SIK3: variants seen among roughly 807,000 people sequenced by gnomAD.
SIK3 encodes SIK family kinase 3, also known as serine/threonine-protein kinase SIK3.
A neutral mutation model predicts 144.2 loss-of-function variants in SIK3; 28 were observed. That is an observed-to-expected ratio of 0.19 (90% CI 0.14 to 0.27). SIK3 has a LOEUF of 0.27. SIK3 is among the 10% of genes least tolerant of loss of function. The pLI is 1.00. For missense variants in SIK3, 1,319 were observed against 1,776.0 expected (o/e 0.74, Z 4.62); for synonymous variants, 686 against 676.3 (o/e 1.01, Z -0.22).
At chr11:116,917,501 A>T (rs1416873652) in intron 4 of SIK3, among the ~76,000 whole-genome samples, 1 of 152,000 alleles carries the variant, frequency 6.6e-6, no homozygotes, top group Non-Finnish European at 1.5e-5. Flanking sequence ...TTGAGCTCAA[A>T]AGTTCAGGAC....
In SIK3 at chr11:116,858,269, G is replaced by A; in HGVS notation, c.3196C>T (p.Leu1066=). The change falls in exon 21 of 25, where the codon CTG becomes TTG. Residue 1066 remains leucine (L), a synonymous_variant. Transcript: ENST00000445177. This position sits in a 1 kb window ranked among gnomAD's most constrained non-coding sequence, Gnocchi z 5.4. Reference sequence around the variant, plus strand: ...TCCCCTTGGTTCATGTGCCTGAACAGTTCCTGGTATTCTTGCTGTTGCTGC... The same window carrying A: ...TCCCCTTGGTTCATGTGCCTGAACAATTCCTGGTATTCTTGCTGTTGCTGC... ...QQQQQQEYQE[L]FRHMNQGDAG... The A allele has an allele frequency of 1.9e-6, 3 of 1,613,834 alleles. No homozygotes were observed. Among genetic ancestry groups the A allele is most frequent in the Non-Finnish European group, 2.5e-6 (3 of 1,179,774 alleles).
At chr11:116,953,665 A>C (rs1416880336) in intron 3 of SIK3, among the ~76,000 whole-genome samples, 1 of 152,244 alleles carries the variant, frequency 6.6e-6, no homozygotes, top group Non-Finnish European at 1.5e-5. Context: ...ATGTGCTCTA[A>C]GTGGCTCTTT....
chr11:116,892,681 T>C (rs1009014616), intron 6 of SIK3, among the ~76,000 whole-genome samples: 1 of 152,236 alleles, frequency 6.6e-6, no homozygotes, highest in Non-Finnish European at 1.5e-5. Flanking sequence ...AAACTATCCA[T>C]GCTCTTACCA....
At position 116,844,589 on chromosome 11, in the gene SIK3, T is replaced by A. The variant is rs1191876543; in HGVS notation, c.*1054A>T. ...AGGCTGAAAGAGGAGAGCATATATATATATATTTTATATATATATTATATA... is the reference window on the plus strand; with the variant it reads ...AGGCTGAAAGAGGAGAGCATATATAAATATATTTTATATATATATTATATA... On this transcript the variant is annotated 3_prime_UTR_variant, in exon 25 of 25. Coordinates refer to ENST00000445177, the MANE Select transcript of SIK3 (RefSeq NM_001366686.3). 1.0e-5 allele frequency: 1 copy of A among 96,796 alleles called. No homozygotes were observed. Among genetic ancestry groups the A allele is most frequent in the Non-Finnish European group, 2.1e-5 (1 of 47,098 alleles). The allele number at this position is 96,796 out of a possible 1,614,324, so 6.0% of individuals were successfully genotyped here. A position where few individuals can be genotyped will look rare whatever the true frequency, so the allele number is the denominator to read the frequency against.
At chr11:117,021,949 A>AAAAAAAAAAAAAAC (rs1951791487) in intron 1 of SIK3, among the ~76,000 whole-genome samples, 1 of 131,670 alleles carries the variant, frequency 7.6e-6, no homozygotes, top group African/African-American at 3.4e-5. Flanking sequence ...AAAAAAAAAA[A>AAAAAAAAAAAAAAC]AAAAAAAAAA....
chr11:116,911,795 T>A lies in SIK3; in HGVS notation c.617-14478A>T, dbSNP rs1419828624. On this transcript the variant is annotated intron_variant, in intron 4 of 24. Coordinates refer to ENST00000445177, the MANE Select transcript of SIK3 (RefSeq NM_001366686.3). ...CAATAAGAACAAAAACACTGAGCAG[T>A]TAGTTTTATGTAATTCTCAGGTACT... is the stretch of plus-strand genomic sequence containing the variant. 2.0e-5 allele frequency among the ~76,000 whole-genome samples: 3 copies of A among 152,350 alleles called. No individual in the cohort carries two copies. The East Asian group carries it at 5.8e-4, about 29-fold the overall frequency.
chr11:116,924,507 T>C (rs1947169167), intron 4 of SIK3, among the ~76,000 whole-genome samples: 1 of 152,190 alleles, frequency 6.6e-6, no homozygotes, highest in Admixed American at 6.5e-5. Flanking sequence ...CAAACTATAC[T>C]ACTAAGAATG....
In SIK3 at chr11:116,927,336, G is replaced by A. The variant is rs144909499; in HGVS notation, c.499C>T (p.Arg167Trp). ...GCTGTGACGATCTGTTTGAACTTCC[G>A]ACGTGCCTCCTTTTCTGCCATTCTA... ...HGRMAEKEAR[R>W]KFKQIVTAVY... The change falls in exon 4 of 25, where the codon CGG becomes TGG. Residue 167 changes from arginine to tryptophan, a missense_variant. Physicochemically the swap from Arg to Trp is moderately radical, Grantham distance 101 (BLOSUM62 -3). This residue lies in a region of SIK3 where 125 missense variants were observed against 285.2 expected (regional missense o/e 0.44). Coordinates refer to ENST00000445177, the MANE Select transcript of SIK3 (RefSeq NM_001366686.3). 15 of 1,613,836 alleles carry A rather than the reference G, an allele frequency of 9.3e-6. No homozygotes were observed. The highest frequency in any genetic ancestry group is 1.1e-5 in the Non-Finnish European group (13 of 1,179,916).
chr11:117,032,587 A>G (rs1314885991), intron 1 of SIK3, among the ~76,000 whole-genome samples: 2 of 151,450 alleles, frequency 1.3e-5, no homozygotes, highest in Admixed American at 1.3e-4. Context: ...GCTCACTACA[A>G]CCTCAAACTC....
At position 117,015,659 on chromosome 11, in the gene SIK3, C is replaced by T. The variant is rs533994132; in HGVS notation, c.274-58595G>A. The stretch of plus-strand genomic sequence containing the variant: ...GCACAATCTCAGCTCACTGCAACCT[C>T]CGCCTCCTGGGTTCAAGTGATTCTC... On this transcript the variant is annotated intron_variant, in intron 1 of 24. Coordinates refer to ENST00000445177, the MANE Select transcript of SIK3 (RefSeq NM_001366686.3). Among the ~76,000 whole-genome samples, 29 of 152,158 alleles carry T rather than the reference C, an allele frequency of 1.9e-4. No homozygotes were observed. The South Asian group carries it at 6.0e-3, about 32-fold the overall frequency.
At chr11:116,923,205 T>G (rs2135093425) in intron 4 of SIK3, among the ~76,000 whole-genome samples, 1 of 152,264 alleles carries the variant, frequency 6.6e-6, no homozygotes, top group African/African-American at 2.4e-5. Flanking sequence ...CATGAGCCAC[T>G]GCGCCCAGCC....
At chr11:116,928,792 T>C (rs1947428028) in intron 3 of SIK3, among the ~76,000 whole-genome samples, 1 of 152,230 alleles carries the variant, frequency 6.6e-6, no homozygotes, top group South Asian at 2.1e-4. Flanking sequence ...ATATCTTATA[T>C]GTAGATAATA....
intron 4 of SIK3, among the ~76,000 whole-genome samples, chr11:116,907,882 T>C (rs1429468231): frequency 6.6e-6 from 1 of 151,306 alleles, no homozygotes; most frequent in Non-Finnish European, 1.5e-5. Context: ...TCGTTATTCA[T>C]ATGGAAAAAA....
chr11:117,013,694 C>G lies in SIK3; in HGVS notation c.274-56630G>C, dbSNP rs186298144. 1.4e-4 allele frequency among the ~76,000 whole-genome samples: 21 copies of G among 151,348 alleles called. No individual in the cohort carries two copies. In the East Asian group the frequency reaches 4.1e-3, roughly 29 times the overall value. On this transcript the variant is annotated intron_variant, in intron 1 of 24. Coordinates refer to ENST00000445177, the MANE Select transcript of SIK3 (RefSeq NM_001366686.3). ...CATGGCTAAAAATGTATACTTTTAG[C>G]TTTAAAAAAAAAATGCTTCCAGTGC...
intron 1 of SIK3, among the ~76,000 whole-genome samples, chr11:117,059,865 G>A (rs1953715685): frequency 6.6e-6 from 1 of 152,200 alleles, no homozygotes; most frequent in Non-Finnish European, 1.5e-5. Flanking sequence ...ATGCTGGTAA[G>A]GATATAGAAC....
At position 116,857,893 on chromosome 11, in the gene SIK3, A is replaced by T; in HGVS notation, c.3572T>A (p.Val1191Glu). The stretch of plus-strand genomic sequence containing the variant: ...TATCCCCAATTCTTGGGCATGACTC[A>T]CAGTTCCTAGCAAAGATTCAGGGTC... ...PGDPESLLGT[V>E]SHAQELGIHP... Residue 1191 changes from valine to glutamate, a missense_variant, in exon 21 of 25, where the codon GTG becomes GAG. Around this residue, in one of 8 missense-constraint regions of SIK3, gnomAD observed 646 missense variants for 763.7 expected, o/e 0.85. Transcript: ENST00000445177. The T allele has an allele frequency of 6.2e-7, 1 of 1,614,180 alleles. No individual in the cohort carries two copies. Among genetic ancestry groups the T allele is most frequent in the African/African-American group, 1.3e-5 (1 of 75,042 alleles).
chr11:116,956,838 A>G (rs1440343943), intron 2 of SIK3, 110 bp downstream of exon 2: 1 of 604,310 alleles, frequency 1.7e-6, no homozygotes, highest in Non-Finnish European at 2.8e-6. Context: ...GGATTAACAT[A>G]GAAACAAAAA....
At chr11:117,055,327 T>C (rs1953465580) in intron 1 of SIK3, among the ~76,000 whole-genome samples, 1 of 152,264 alleles carries the variant, frequency 6.6e-6, no homozygotes, top group South Asian at 2.1e-4. Flanking sequence ...TTAGTGTACA[T>C]GAGACACTAT....
intron 1 of SIK3, among the ~76,000 whole-genome samples, chr11:116,978,868 AAGATGCATGT>A (rs1950045451): frequency 1.3e-5 from 2 of 152,238 alleles, no homozygotes; most frequent in South Asian, 4.1e-4. Context: ...TTCCTCTACG[AAGATGCATGT>A]AGTGGCACTT....
Sources: gnomAD v4.1 joint callset for allele counts (sites outside exome capture counted in the v4.1 genomes callset) on GRCh38, gnomAD v4.1.1 for gene constraint, gnomAD v4.1.1 regional missense constraint, Gnocchi (gnomAD v3.1) non-coding constraint, MANE v1.5 for transcripts, NCBI Gene and HGNC (gene_info 2026-07-23, HGNC 2026-07-21) for gene names.